GRIP1: variants seen among roughly 807,000 people sequenced by gnomAD.
The protein encoded by GRIP1 is glutamate receptor interacting protein 1.
Under a neutral mutation model 129.9 loss-of-function variants are expected in GRIP1, and 45 were observed. The observed-to-expected ratio is 0.35, with a 90% confidence interval of 0.27 to 0.44. The LOEUF (loss-of-function observed/expected upper bound fraction) is 0.44. GRIP1 is among the 20% of genes least tolerant of loss of function. GRIP1 has a pLI of 1.00. For missense variants in GRIP1, 1,196 were observed against 1,396.8 expected, an observed-to-expected ratio of 0.86 and a Z score of 2.29; for synonymous variants, 530 against 520.8, an observed-to-expected ratio of 1.02 and a Z score of -0.24.
intron 1 of GRIP1, among the ~76,000 whole-genome samples, chr12:66,674,967 T>C (rs1429353296): frequency 6.6e-6 from 1 of 152,020 alleles, no homozygotes; most frequent in Non-Finnish European, 1.5e-5. Context: ...AGACACCCCA[T>C]TGGGATGAAG....
chr12:66,347,894 GATCT>G lies in GRIP1; in HGVS notation c.*1121_*1124del, dbSNP rs1383613464. On this transcript the variant is annotated 3_prime_UTR_variant, in exon 25 of 25. Transcript: ENST00000359742. ...ATGGAGAGTCTACCATCAATATACA[GATCT>G]ATTTATTTTTTTATGTTCACCAAAT... The G allele has an allele frequency of 3.3e-5, 5 of 152,016 alleles. No individual in the cohort carries two copies. The highest frequency in any genetic ancestry group is 9.7e-5 in the African/African-American group (4 of 41,370). The allele number at this position is 152,016 out of a possible 1,614,324, so 9.4% of individuals were successfully genotyped here.
At chr12:66,744,614 T>C (rs1022446069) in intron 1 of GRIP1, among the ~76,000 whole-genome samples, 1 of 152,132 alleles carries the variant, frequency 6.6e-6, no homozygotes, top group Non-Finnish European at 1.5e-5. Context: ...TCCAGCTACA[T>C]GTTAACCTTT....
At chr12:67,022,086 C>CT (rs1489449469) in intron 1 of GRIP1, among the ~76,000 whole-genome samples, 1 of 152,158 alleles carries the variant, frequency 6.6e-6, no homozygotes, top group Non-Finnish European at 1.5e-5. Flanking sequence ...CCTATCTTAG[C>CT]TATTGTGAAT....
At chr12:66,376,737 T>G in intron 22 of GRIP1, among the ~76,000 whole-genome samples, 1 of 152,226 alleles carries the variant, frequency 6.6e-6, no homozygotes. Context: ...CTATTCCAGG[T>G]ACAAATGAAA....
At chr12:66,962,284 T>C (rs1250541156) in intron 1 of GRIP1, among the ~76,000 whole-genome samples, 1 of 152,128 alleles carries the variant, frequency 6.6e-6, no homozygotes, top group African/African-American at 2.4e-5. Flanking sequence ...ACAGGATTAA[T>C]ATATTATCGT....
At chr12:67,067,467 T>G (rs751999487) in intron 1 of GRIP1, among the ~76,000 whole-genome samples, 12 of 152,140 alleles carry the variant, frequency 7.9e-5, no homozygotes, top group Non-Finnish European at 1.8e-4. Flanking sequence ...GGTTATAAAT[T>G]ATTGGTACTG....
chr12:66,655,519 T>G (rs1220515755), intron 1 of GRIP1, among the ~76,000 whole-genome samples: 1 of 152,164 alleles, frequency 6.6e-6, no homozygotes, highest in African/African-American at 2.4e-5. Flanking sequence ...GGGTTCACTC[T>G]TAACTACTTT....
intron 7 of GRIP1, among the ~76,000 whole-genome samples, chr12:66,472,607 A>G (rs1024098610): frequency 6.6e-6 from 1 of 152,156 alleles, no homozygotes; most frequent in Non-Finnish European, 1.5e-5. Context: ...TGATTTCTGC[A>G]TTTCCATCTG....
rs1424109002 is a variant in GRIP1, at chr12:66,968,177, T to C, written c.58+100873A>G. On this transcript the variant is annotated intron_variant, in intron 1 of 1. Coordinates refer to the GRIP1 transcript ENST00000643019. ...TGATTATGTCTTCCTGGAGAACTGA[T>C]ACTTTTATCAGTCTTAATGTCCCTA... 2.0e-5 allele frequency among the ~76,000 whole-genome samples: 3 copies of C among 152,332 alleles called. No homozygotes were observed. The East Asian group carries it at 5.8e-4, about 29-fold the overall frequency.
chr12:67,013,114 C>T (rs2042733790), intron 1 of GRIP1, among the ~76,000 whole-genome samples: 1 of 152,090 alleles, frequency 6.6e-6, no homozygotes, highest in East Asian at 1.9e-4. Context: ...ATTTGGGTAA[C>T]ATTTGTTGAG....
chr12:66,482,603 C>T (rs1369340420), intron 7 of GRIP1, among the ~76,000 whole-genome samples: 2 of 152,178 alleles, frequency 1.3e-5, no homozygotes, highest in Non-Finnish European at 2.9e-5. Flanking sequence ...AAGCCTGTTT[C>T]CCTAGCTGCC....
intron 1 of GRIP1, among the ~76,000 whole-genome samples, chr12:66,603,892 G>A (rs894273797): frequency 1.3e-5 from 2 of 152,190 alleles, no homozygotes; most frequent in Non-Finnish European, 1.5e-5. Context: ...GTGACTGATT[G>A]TAATAATAAT....
intron 1 of GRIP1, among the ~76,000 whole-genome samples, chr12:66,738,733 C>A (rs1315150403): frequency 6.6e-6 from 1 of 152,044 alleles, no homozygotes; most frequent in Non-Finnish European, 1.5e-5. Flanking sequence ...CATTAGCATG[C>A]CAGCTGTGAG....
chr12:66,952,233 A>G (rs7962477), intron 1 of GRIP1, among the ~76,000 whole-genome samples: 5,470 of 152,202 alleles, frequency 0.036, 228 homozygotes, highest in African/African-American at 0.096. Flanking sequence ...AGGGAAAACC[A>G]TGAGCCAAAG....
At chr12:66,740,573 C>T (rs2036757799) in intron 1 of GRIP1, among the ~76,000 whole-genome samples, 1 of 152,138 alleles carries the variant, frequency 6.6e-6, no homozygotes, top group Non-Finnish European at 1.5e-5. Flanking sequence ...AACCACTTAG[C>T]CTTCTGTTGA....
chr12:66,712,409 T>C (rs2035740045), intron 1 of GRIP1, among the ~76,000 whole-genome samples: 1 of 151,990 alleles, frequency 6.6e-6, no homozygotes, highest in African/African-American at 2.4e-5. Flanking sequence ...CCAGGTAGTA[T>C]GTTCACATGG....
At chr12:66,653,655 T>C (rs950711022) in intron 1 of GRIP1, among the ~76,000 whole-genome samples, 4 of 152,194 alleles carry the variant, frequency 2.6e-5, no homozygotes, top group Admixed American at 2.6e-4. Context: ...GCTATAAGCA[T>C]TTGGCAGATG....
chr12:66,374,239 G>A (rs1168555885), intron 22 of GRIP1, among the ~76,000 whole-genome samples: 2 of 152,080 alleles, frequency 1.3e-5, no homozygotes, highest in Non-Finnish European at 2.9e-5. Flanking sequence ...CCAGGCTGAA[G>A]TGTAGTGATG....
chr12:66,491,611 C>G (rs1245780530), intron 7 of GRIP1, among the ~76,000 whole-genome samples: 1 of 152,024 alleles, frequency 6.6e-6, no homozygotes. Flanking sequence ...TACACATGCA[C>G]CCCTGAACTT....
Sources: allele counts gnomAD v4.1 joint callset (sites outside exome capture counted in the v4.1 genomes callset), GRCh38; gene constraint gnomAD v4.1.1; transcripts MANE v1.5; gene names NCBI Gene and HGNC (gene_info 2026-07-23, HGNC 2026-07-21).